Variants in AXDND1 observed in about 807,000 individuals in gnomAD.
The protein encoded by AXDND1 is axonemal dynein light chain domain-containing protein 1.
Under a neutral mutation model 137.5 loss-of-function variants are expected in AXDND1, and 110 were observed. That is an observed-to-expected ratio of 0.80 (90% CI 0.69 to 0.94). The LOEUF is 0.94. AXDND1 is among the 40% of genes least tolerant of loss of function. The probability of loss-of-function intolerance (pLI) is 0.00; values close to 1 mark genes in which losing one functional copy is unlikely to be tolerated. For missense variants in AXDND1, 1,191 were observed against 1,169.8 expected (o/e 1.02, Z -0.26); for synonymous variants, 414 against 399.7 (o/e 1.04, Z -0.43).
At chr1:179,400,940 GAC>G (rs1242351866) in intron 11 of AXDND1, among the ~76,000 whole-genome samples, 2 of 142,090 alleles carry the variant, frequency 1.4e-5, no homozygotes, top group Non-Finnish European at 3.1e-5. Context: ...AAAAAAAAAG[GAC>G]ACAGAAACAA....
At chr1:179,402,683 A>C (rs933243829) in intron 11 of AXDND1, among the ~76,000 whole-genome samples, 5 of 152,294 alleles carry the variant, frequency 3.3e-5, no homozygotes, top group Non-Finnish European at 7.3e-5. Context: ...CAAAAAACAC[A>C]AACAAAAATG....
chr1:179,426,372 G>A (rs190590719), intron 12 of AXDND1, among the ~76,000 whole-genome samples: 5 of 152,190 alleles, frequency 3.3e-5, no homozygotes, highest in Middle Eastern at 3.4e-3. Flanking sequence ...ATGAAAATAT[G>A]TTCAACCTCA....
intron 12 of AXDND1, among the ~76,000 whole-genome samples, chr1:179,419,587 A>T (rs1316092579): frequency 7.1e-6 from 1 of 140,056 alleles, no homozygotes; most frequent in Admixed American, 7.2e-5. Flanking sequence ...TCAGCTCGGC[A>T]TCAGAGGGAG....
chr1:179,527,393 C>T (rs1670631515), intron 22 of AXDND1, among the ~76,000 whole-genome samples: 1 of 152,152 alleles, frequency 6.6e-6, no homozygotes, highest in Non-Finnish European at 1.5e-5. Context: ...TTTGTCTCAT[C>T]CTATGACTTA....
At chr1:179,524,053 G>C (rs1431976421) in intron 21 of AXDND1, among the ~76,000 whole-genome samples, 1 of 152,000 alleles carries the variant, frequency 6.6e-6, no homozygotes, top group Admixed American at 6.6e-5. Context: ...GGTATTCCAT[G>C]GTGTATATAT....
At chr1:179,435,608 A>G (rs924020326) in intron 15 of AXDND1, among the ~76,000 whole-genome samples, 4 of 152,210 alleles carry the variant, frequency 2.6e-5, no homozygotes, top group African/African-American at 9.6e-5. Context: ...GGTTCTGTTT[A>G]ATAAATGGTG....
intron 20 of AXDND1, among the ~76,000 whole-genome samples, chr1:179,505,977 A>G (rs184621629): frequency 2.6e-5 from 4 of 152,326 alleles, no homozygotes; most frequent in Admixed American, 6.5e-5. Context: ...ATGTCATTGT[A>G]TAGCAACCAC....
At chr1:179,398,086 T>C (rs1394651129) in intron 11 of AXDND1, among the ~76,000 whole-genome samples, 2 of 152,134 alleles carry the variant, frequency 1.3e-5, no homozygotes, top group Admixed American at 1.3e-4. Context: ...GTTGTCAGAG[T>C]CCTTGTGTTG....
intron 15 of AXDND1, among the ~76,000 whole-genome samples, chr1:179,440,940 CCA>C (rs1658892119): frequency 1.3e-5 from 2 of 152,132 alleles, no homozygotes; most frequent in African/African-American, 2.4e-5. Flanking sequence ...AGCTGAAACC[CCA>C]GAGGTCATTA....
At chr1:179,369,251 T>C (rs994729259) in intron 3 of AXDND1, among the ~76,000 whole-genome samples, 2 of 151,870 alleles carry the variant, frequency 1.3e-5, no homozygotes, top group Non-Finnish European at 2.9e-5. Context: ...CTAATTTTTG[T>C]ATTTTTCATA....
chr1:179,551,404 C>T (rs1209229162), intron 25 of AXDND1: 1 of 1,613,984 alleles, frequency 6.2e-7, no homozygotes, highest in African/African-American at 1.3e-5. Context: ...TCTCAGCTGC[C>T]ATCCTCAGGG....
chr1:179,474,714 C>G (rs954903470), intron 17 of AXDND1, among the ~76,000 whole-genome samples: 1 of 152,118 alleles, frequency 6.6e-6, no homozygotes, highest in African/African-American at 2.4e-5. Flanking sequence ...AAATTTGCAG[C>G]CTGACCATGA....
In AXDND1 at chr1:179,366,529, C is replaced by T. The variant is rs199937301; in HGVS notation, c.20C>T (p.Pro7Leu). The change falls in exon 2 of 26, where the codon CCC (proline) becomes CTC (leucine). Residue 7 changes from proline (P) to leucine (L), a missense_variant. By Grantham distance (98) the Pro-to-Leu change is moderately conservative. Coordinates refer to ENST00000367618, the MANE Select transcript of AXDND1 (RefSeq NM_144696.6). MSLPKT[P>L]STPLNSTSTS... ...TTTATTATGTCTCTCCCGAAAACGC[C>T]CTCCACCCCGCTAAACTCTACATCA... The T allele has an allele frequency of 2.5e-6, 4 of 1,613,542 alleles. No homozygotes were observed. The highest frequency in any genetic ancestry group is 1.7e-5 in the Admixed American group (1 of 59,996).
intron 21 of AXDND1, among the ~76,000 whole-genome samples, chr1:179,522,068 C>A (rs1459143321): frequency 1.3e-5 from 2 of 152,102 alleles, no homozygotes; most frequent in Non-Finnish European, 2.9e-5. Flanking sequence ...TCTCAGTCAT[C>A]TATTCAAATA....
At chr1:179,471,857 T>G (rs896811282) in intron 17 of AXDND1, among the ~76,000 whole-genome samples, 1 of 152,080 alleles carries the variant, frequency 6.6e-6, no homozygotes, top group African/African-American at 2.4e-5. Context: ...TAAATTTCCC[T>G]CTAAGGACTG....
At chr1:179,460,420 G>A (rs566080059) in intron 16 of AXDND1, among the ~76,000 whole-genome samples, 44 of 152,198 alleles carry the variant, frequency 2.9e-4, no homozygotes, top group African/African-American at 1.1e-3. Context: ...GTGTATATAT[G>A]CCACATTTTC....
At chr1:179,503,713 C>A (rs1366578446) in intron 20 of AXDND1, among the ~76,000 whole-genome samples, 1 of 152,030 alleles carries the variant, frequency 6.6e-6, no homozygotes, top group Non-Finnish European at 1.5e-5. Context: ...CCTGCCCTCA[C>A]CCCACAACAG....
intron 4 of AXDND1, among the ~76,000 whole-genome samples, chr1:179,373,808 C>T (rs1003108047): frequency 3.3e-5 from 5 of 152,106 alleles, no homozygotes; most frequent in African/African-American, 1.2e-4. Context: ...CTTCCTTACA[C>T]CTTATACAAA....
At chr1:179,466,022 T>C (rs1663116366) in intron 16 of AXDND1, among the ~76,000 whole-genome samples, 1 of 152,184 alleles carries the variant, frequency 6.6e-6, no homozygotes, top group African/African-American at 2.4e-5. Context: ...CCGTCTTTCA[T>C]GGCTTCCCTT....
Sources: gnomAD v4.1 joint callset for allele counts (sites outside exome capture counted in the v4.1 genomes callset) on GRCh38, gnomAD v4.1.1 for gene constraint, MANE v1.5 for transcripts, NCBI Gene and HGNC (gene_info 2026-07-23, HGNC 2026-07-21) for gene names.